Variants in CHD9 observed in about 807,000 individuals in gnomAD.
CHD9 encodes the protein chromodomain helicase DNA binding protein 9.
A neutral mutation model predicts 316.1 loss-of-function variants in CHD9; 77 were observed. The observed-to-expected ratio is 0.24, with a 90% CI of 0.20 to 0.29. The LOEUF (loss-of-function observed/expected upper bound fraction) is 0.29, where lower values mean the gene tolerates loss of function less well. Among genes scored for constraint, CHD9 ranks in the 10% least tolerant of loss-of-function variants. The probability of loss-of-function intolerance (pLI) is 1.00; values close to 1 mark genes in which losing one functional copy is unlikely to be tolerated. For missense variants in CHD9, 2,763 were observed against 3,438.1 expected (o/e 0.80, Z 4.91); for synonymous variants, 1,129 against 1,158.3 (o/e 0.97, Z 0.51).
chr16:53,306,495 C>A, intron 32 of CHD9, 98 bp downstream of exon 32: 1 of 993,120 alleles, frequency 1.0e-6, no homozygotes, highest in Non-Finnish European at 1.4e-6. Context: ...CATAGGTCAG[C>A]GTAAAATGTA....
chr16:53,117,982 C>A (rs185688814), intron 1 of CHD9, among the ~76,000 whole-genome samples: 1 of 151,920 alleles, frequency 6.6e-6, no homozygotes, highest in Non-Finnish European at 1.5e-5. Context: ...CCCGCCACCA[C>A]GCCCAGCTAA....
chr16:53,296,775 AT>A (rs1345132067), intron 29 of CHD9, among the ~76,000 whole-genome samples, 180 bp from the exon 30 acceptor site: 11 of 152,206 alleles, frequency 7.2e-5, no homozygotes, highest in Admixed American at 7.2e-4. Context: ...AAAAAAAAGT[AT>A]GGTTGGATAG....
At chr16:53,320,071 G>A (rs1212276519) in intron 37 of CHD9, 2 of 176,960 alleles carry the variant, frequency 1.1e-5, no homozygotes, top group Non-Finnish European at 2.2e-5. Context: ...AGCTACTCAG[G>A]AAGTTCAGGA....
chr16:53,323,744 T>C (rs955719720), intron 38 of CHD9, among the ~76,000 whole-genome samples: 1 of 152,168 alleles, frequency 6.6e-6, no homozygotes, highest in African/African-American at 2.4e-5. Context: ...CCTTATATTT[T>C]CTAGAATTAT....
At chr16:53,261,689 T>C (rs890150173) in intron 19 of CHD9, among the ~76,000 whole-genome samples, 16 of 152,298 alleles carry the variant, frequency 1.1e-4, no homozygotes, top group African/African-American at 3.6e-4. Context: ...GGATGTTTTC[T>C]AAAGTTTAAA....
intron 24 of CHD9, among the ~76,000 whole-genome samples, chr16:53,278,294 A>G (rs1017034552): frequency 4.6e-5 from 7 of 152,214 alleles, no homozygotes; most frequent in African/African-American, 1.4e-4. Context: ...AAGAGCCTGC[A>G]TAGCCAAAGC....
At chr16:53,139,994 G>A (rs866763310) in intron 1 of CHD9, among the ~76,000 whole-genome samples, 1 of 151,784 alleles carries the variant, frequency 6.6e-6, no homozygotes, top group Non-Finnish European at 1.5e-5. Context: ...AGCTACTCGA[G>A]AGGCTGAGGT....
rs374277082 is a variant in CHD9 at position 53,218,960 on chromosome 16, CT to C, written c.1785-3683del. On this transcript the variant is annotated intron_variant, in intron 3 of 38. Coordinates refer to ENST00000447540, the MANE Select transcript of CHD9 (RefSeq NM_001308319.2). ...CCCTTACTTTGCCATTAAAAATCAT[CT>C]GCACCAGTGCCTTAGGATGTAGCAA... Among the ~76,000 whole-genome samples the C allele has an allele frequency of 3.1e-3, 472 of 152,220 alleles. 6 individuals are homozygous for C. The highest frequency in any genetic ancestry group is 0.011 in the African/African-American group (457 of 41,530).
intron 30 of CHD9, chr16:53,298,215 G>C (rs1029061504): frequency 6.6e-6 from 1 of 152,362 alleles, no homozygotes; most frequent in Non-Finnish European, 1.5e-5. Context: ...ACTCCTTCCA[G>C]TGGCACCATG....
intron 1 of CHD9, among the ~76,000 whole-genome samples, chr16:53,076,212 C>A (rs779928631): frequency 2.0e-5 from 3 of 152,056 alleles, no homozygotes; most frequent in African/African-American, 4.8e-5. Flanking sequence ...TGTCTTTTTA[C>A]TCTGTTGATA....
chr16:53,296,896 A>T, intron 29 of CHD9, 60 bp from the exon 30 acceptor site: 1 of 1,034,122 alleles, frequency 9.7e-7, no homozygotes, highest in Non-Finnish European at 1.5e-6. Flanking sequence ...CATTATATTT[A>T]GTATTAATAT....
At chr16:53,146,438 A>ATATATATATATATATATATATATATATAT (rs1567374423) in intron 1 of CHD9, among the ~76,000 whole-genome samples, 17 of 46,352 alleles carry the variant, frequency 3.7e-4, no homozygotes, top group African/African-American at 1.5e-3. Context: ...TATATATATA[A>ATATATATATATATATATATATATATATAT]TTAAAAAGTT....
At chr16:53,206,373 AACC>A (rs918966135) in intron 2 of CHD9, among the ~76,000 whole-genome samples, 3 of 150,656 alleles carry the variant, frequency 2.0e-5, no homozygotes, top group Non-Finnish European at 3.0e-5. Flanking sequence ...AAAAAAAAAA[AACC>A]ATCCTAGCCT....
intron 16 of CHD9, 71 bp downstream of exon 16, chr16:53,247,574 T>A: frequency 9.8e-7 from 1 of 1,017,634 alleles, no homozygotes; most frequent in Non-Finnish European, 1.5e-6. Flanking sequence ...CACTGTAATG[T>A]AAATGAACTT....
intron 1 of CHD9, among the ~76,000 whole-genome samples, chr16:53,099,909 G>A (rs1393116063): frequency 6.6e-6 from 1 of 152,260 alleles, no homozygotes; most frequent in Non-Finnish European, 1.5e-5. Flanking sequence ...GAAATGGAAA[G>A]TTAGGAGGCT....
intron 2 of CHD9, among the ~76,000 whole-genome samples, chr16:53,174,864 A>G (rs1443419612): frequency 6.6e-6 from 1 of 152,202 alleles, no homozygotes; most frequent in East Asian, 1.9e-4. Context: ...GTTTGAATAA[A>G]TGCCAGATGT....
Position 53,315,064 on chromosome 16 carries a change from T to C in CHD9, c.7584+20T>C. The C allele has an allele frequency of 6.5e-7, 1 of 1,542,848 alleles. No homozygotes were observed. The highest frequency in any genetic ancestry group is 1.1e-5 in the South Asian group (1 of 87,224). The stretch of plus-strand genomic sequence containing the variant: ...ATTCCTGTAGGTGACACCTTAAAAT[T>C]CTTGTTATATTTTATTTTTATGAGT... On this transcript the variant is annotated intron_variant, in intron 36 of 38. Coordinates refer to ENST00000447540, the MANE Select transcript of CHD9 (RefSeq NM_001308319.2).
At chr16:53,118,461 A>G (rs1183119684) in intron 1 of CHD9, among the ~76,000 whole-genome samples, 1 of 152,176 alleles carries the variant, frequency 6.6e-6, no homozygotes, top group Non-Finnish European at 1.5e-5. Context: ...TTTTGCTTAA[A>G]TTGTGGAAGG....
chr16:53,277,877 G>T lies in CHD9; in HGVS notation c.4967+3575G>T, dbSNP rs568040737. 1.5e-4 allele frequency among the ~76,000 whole-genome samples: 23 copies of T among 152,112 alleles called. No homozygotes were observed. The South Asian group carries it at 4.8e-3, about 31-fold the overall frequency. On this transcript the variant is annotated intron_variant, in intron 24 of 38. Coordinates refer to ENST00000447540, the MANE Select transcript of CHD9 (RefSeq NM_001308319.2). ...AAAACCCTAAAGACTCCTCCAAAAAGCTCCTAGAACTGATAAAAGAATTCA... is the reference window on the plus strand; with the variant it reads ...AAAACCCTAAAGACTCCTCCAAAAATCTCCTAGAACTGATAAAAGAATTCA...
Sources: gnomAD v4.1 joint callset for allele counts (sites outside exome capture counted in the v4.1 genomes callset) on GRCh38, gnomAD v4.1.1 for gene constraint, MANE v1.5 for transcripts, NCBI Gene and HGNC (gene_info 2026-07-23, HGNC 2026-07-21) for gene names.